Variants in AGMO observed in about 807,000 individuals in gnomAD.
AGMO encodes glyceryl-ether monooxygenase.
Under a neutral mutation model 60.2 loss-of-function variants are expected in AGMO, and 75 were observed. The ratio of observed to expected loss-of-function variants is 1.25; its 90% CI spans 1.03 to 1.51. AGMO has a LOEUF of 1.51. AGMO is among the 40% of genes most tolerant of loss of function. AGMO has a pLI of 0.00. For synonymous variants in AGMO, 261 were observed against 177.1 expected, an observed-to-expected ratio of 1.47 and a Z score of -3.76; for missense variants, 763 against 525.5, an observed-to-expected ratio of 1.45 and a Z score of -4.42.
chr7:15,155,419 C>CTTTTTTTTTTTTTTTTTTTTTTTTT, the AGMO span, among the ~76,000 whole-genome samples: 3 of 63,914 alleles, frequency 4.7e-5, no homozygotes, highest in African/African-American at 6.4e-5. Flanking sequence ...TACAGAATTT[C>CTTTTTTTTTTTTTTTTTTTTTTTTT]TTTTTTTTTT....
intron 12 of AGMO, among the ~76,000 whole-genome samples, chr7:15,289,736 G>C (rs1474763819): frequency 1.3e-5 from 2 of 151,984 alleles, no homozygotes; most frequent in Non-Finnish European, 2.9e-5. Context: ...TTGTATTTAA[G>C]CTAACTTTTT....
intron 12 of AGMO, among the ~76,000 whole-genome samples, chr7:15,307,458 C>T (rs376966302): frequency 1.6e-4 from 24 of 151,824 alleles, no homozygotes; most frequent in African/African-American, 3.1e-4. Flanking sequence ...TCTAAAAGAA[C>T]AGGACTCTAG....
At chr7:15,145,350 A>G in the AGMO span, among the ~76,000 whole-genome samples, 1 of 152,336 alleles carries the variant, frequency 6.6e-6, no homozygotes, top group Non-Finnish European at 1.5e-5. Context: ...ACAGTTATTT[A>G]AAGATATTTA....
chr7:15,388,396 T>TA (rs1201096898), intron 8 of AGMO, among the ~76,000 whole-genome samples: 1 of 152,036 alleles, frequency 6.6e-6, no homozygotes, highest in African/African-American at 2.4e-5. Flanking sequence ...AGGTAAATGT[T>TA]AGGTGGAAGC....
At chr7:15,557,559 G>T (rs547789725) in intron 2 of AGMO, among the ~76,000 whole-genome samples, 5 of 151,486 alleles carry the variant, frequency 3.3e-5, no homozygotes, top group East Asian at 3.9e-4. Context: ...GGATCCACAG[G>T]CTCGCTTTTC....
At chr7:15,211,613 A>G (rs972226718) in intron 12 of AGMO, among the ~76,000 whole-genome samples, 2 of 151,880 alleles carry the variant, frequency 1.3e-5, no homozygotes, top group Admixed American at 1.3e-4. Flanking sequence ...GTGTCTTAAC[A>G]TAATTTTTAT....
chr7:15,275,798 CT>C lies in AGMO; in HGVS notation c.1264-74440del, dbSNP rs553694767. Among the ~76,000 whole-genome samples, 19 of 150,370 alleles carry C rather than the reference CT, an allele frequency of 1.3e-4. No individual in the cohort carries two copies. In the South Asian group the frequency reaches 1.7e-3, roughly 13 times the overall value. On this transcript the variant is annotated intron_variant, in intron 12 of 12. Coordinates refer to ENST00000342526, the MANE Select transcript of AGMO (RefSeq NM_001004320.2). The stretch of plus-strand genomic sequence containing the variant: ...ATTTATCATTATATGATGCTTTTGT[CT>C]TTTTTTTTAACCATTGTTGGTTTAA...
At chr7:15,153,535 G>A in the AGMO span, among the ~76,000 whole-genome samples, 1 of 152,124 alleles carries the variant, frequency 6.6e-6, no homozygotes, top group Non-Finnish European at 1.5e-5. Flanking sequence ...AAGAGATACG[G>A]ATCCAGTTTC....
At chr7:15,383,654 TATTA>T (rs1334451914) in intron 10 of AGMO, among the ~76,000 whole-genome samples, 2 of 152,096 alleles carry the variant, frequency 1.3e-5, no homozygotes, top group African/African-American at 2.4e-5. Context: ...TTTCAGCATA[TATTA>T]TTTATTAATT....
In AGMO at chr7:15,360,769, A is replaced by G. The variant is rs1008680859; in HGVS notation, c.1263+4745T>C. ...TCAAACCCTTGTTGTTTAAGGGTCA[A>G]TTGGATCCAAAAGCTATAATAACTG... On this transcript the variant is annotated intron_variant, in intron 12 of 12. Transcript: ENST00000342526. 3.7e-4 allele frequency among the ~76,000 whole-genome samples: 57 copies of G among 152,166 alleles called. 1 individual carries two copies. Among genetic ancestry groups the G allele is most frequent in the Non-Finnish European group, 3.1e-4 (21 of 68,028 alleles).
intron 3 of AGMO, among the ~76,000 whole-genome samples, chr7:15,432,070 T>C (rs185713641): frequency 6.8e-4 from 103 of 151,858 alleles, no homozygotes; most frequent in Middle Eastern, 3.4e-3. Flanking sequence ...AAGTAACTTA[T>C]GTTTAGTCTT....
the AGMO span, among the ~76,000 whole-genome samples, chr7:15,175,970 C>T: frequency 6.6e-6 from 1 of 151,860 alleles, no homozygotes; most frequent in Non-Finnish European, 1.5e-5. Context: ...ATTACTGATA[C>T]ATGGAACCAA....
intron 12 of AGMO, among the ~76,000 whole-genome samples, chr7:15,202,290 TAAG>T (rs1781310742): frequency 6.6e-6 from 1 of 151,808 alleles, no homozygotes; most frequent in South Asian, 2.1e-4. Context: ...AACATTTAAT[TAAG>T]AAGATGAAGG....
At chr7:15,538,093 A>G (rs1433663557) in intron 3 of AGMO, among the ~76,000 whole-genome samples, 1 of 152,168 alleles carries the variant, frequency 6.6e-6, no homozygotes, top group East Asian at 1.9e-4. Flanking sequence ...CTTCTCTCGT[A>G]GAGGTGCTAA....
intron 12 of AGMO, among the ~76,000 whole-genome samples, chr7:15,226,277 T>C (rs918311060): frequency 6.6e-6 from 1 of 152,058 alleles, no homozygotes; most frequent in African/African-American, 2.4e-5. Context: ...ATCAGACCAA[T>C]GCAACAAGAA....
At chr7:15,482,419 T>A (rs534814370) in intron 3 of AGMO, among the ~76,000 whole-genome samples, 1 of 152,232 alleles carries the variant, frequency 6.6e-6, no homozygotes, top group South Asian at 2.1e-4. Context: ...ATTGGACAAG[T>A]ACCTACAAAC....
At chr7:15,527,338 A>C (rs2128538899) in intron 3 of AGMO, among the ~76,000 whole-genome samples, 1 of 152,298 alleles carries the variant, frequency 6.6e-6, no homozygotes, top group South Asian at 2.1e-4. Context: ...GCTGATTTGA[A>C]ACAAGTTTTA....
chr7:15,248,205 T>TATATATATATATATAC lies in AGMO; in HGVS notation c.1264-46847_1264-46846insGTATATATATATATAT, dbSNP rs1782816759. Among the ~76,000 whole-genome samples, 30 of 96,712 alleles carry TATATATATATATATAC rather than the reference T, an allele frequency of 3.1e-4. 4 individuals are homozygous for TATATATATATATATAC. The South Asian group carries it at 9.2e-3, about 30-fold the overall frequency. The allele number at this position is 96,712 out of a possible 152,430, so 63.4% of individuals were successfully genotyped here. A position where few individuals can be genotyped will look rare whatever the true frequency, so the allele number is the denominator to read the frequency against. ...ATATATATATATATATATATATATA[T>TATATATATATATATAC]ATATATATATATATATATATCTTCA... On this transcript the variant is annotated intron_variant, in intron 12 of 12. Transcript: ENST00000342526.
At chr7:15,468,482 G>T (rs1298013561) in intron 3 of AGMO, among the ~76,000 whole-genome samples, 1 of 151,806 alleles carries the variant, frequency 6.6e-6, no homozygotes, top group African/African-American at 2.4e-5. Flanking sequence ...ACACATAGCT[G>T]TACATGTTTT....
Sources: allele counts gnomAD v4.1 joint callset (sites outside exome capture counted in the v4.1 genomes callset), GRCh38; gene constraint gnomAD v4.1.1; transcripts MANE v1.5; gene names NCBI Gene and HGNC (gene_info 2026-07-23, HGNC 2026-07-21).